Variants in VTI1A observed in about 807,000 individuals in gnomAD.
VTI1A encodes the protein vesicle transport through interaction with t-SNAREs homolog 1A.
A neutral mutation model predicts 34.9 loss-of-function variants in VTI1A; 22 were observed. The observed-to-expected ratio is 0.63, with a 90% CI of 0.45 to 0.90. The LOEUF (loss-of-function observed/expected upper bound fraction) is 0.90. VTI1A is among the 40% of genes least tolerant of loss of function. The probability of loss-of-function intolerance (pLI) is 0.00; values close to 1 mark genes in which losing one functional copy is unlikely to be tolerated. For synonymous variants in VTI1A, 87 were observed against 97.3 expected (o/e 0.89, Z 0.62); for missense variants, 268 against 275.6 (o/e 0.97, Z 0.20).
At chr10:112,666,882 T>C (rs888102589) in intron 5 of VTI1A, among the ~76,000 whole-genome samples, 2 of 152,130 alleles carry the variant, frequency 1.3e-5, no homozygotes, top group Non-Finnish European at 2.9e-5. Context: ...AATTACCTTA[T>C]TGAACTCTTA....
At chr10:112,558,640 T>C (rs1589902125) in intron 5 of VTI1A, among the ~76,000 whole-genome samples, 2 of 152,354 alleles carry the variant, frequency 1.3e-5, no homozygotes, top group South Asian at 2.1e-4. Context: ...AAAAGTTCAC[T>C]TGGTGCTGGG....
intron 5 of VTI1A, among the ~76,000 whole-genome samples, chr10:112,664,739 C>T (rs1694396104): frequency 6.6e-6 from 1 of 152,074 alleles, no homozygotes. Flanking sequence ...TTCTGGGTAA[C>T]TGTAAAAATG....
intron 5 of VTI1A, among the ~76,000 whole-genome samples, chr10:112,633,323 T>A (rs1418404567): frequency 6.6e-6 from 1 of 152,186 alleles, no homozygotes; most frequent in Non-Finnish European, 1.5e-5. Flanking sequence ...CCAGGCACTG[T>A]GCTAAAACCC....
intron 5 of VTI1A, among the ~76,000 whole-genome samples, chr10:112,594,624 A>G (rs1174085397): frequency 6.6e-6 from 1 of 152,094 alleles, no homozygotes; most frequent in Non-Finnish European, 1.5e-5. Context: ...GACCTCTTCA[A>G]GGAGAACTAC....
intron 7 of VTI1A, among the ~76,000 whole-genome samples, chr10:112,801,047 C>T (rs1194818325): frequency 1.5e-4 from 23 of 152,164 alleles, no homozygotes; most frequent in Admixed American, 1.4e-3. Flanking sequence ...GATGAGGGAC[C>T]TTCAGAAAAG....
intron 7 of VTI1A, among the ~76,000 whole-genome samples, chr10:112,730,279 A>G (rs1850201370): frequency 6.6e-6 from 1 of 152,214 alleles, no homozygotes; most frequent in African/African-American, 2.4e-5. Flanking sequence ...GGACTTGGCT[A>G]GAACCTGAGT....
intron 3 of VTI1A, among the ~76,000 whole-genome samples, chr10:112,478,220 T>C (rs1410859490): frequency 6.6e-6 from 1 of 152,152 alleles, no homozygotes; most frequent in Non-Finnish European, 1.5e-5. Context: ...AAAGAGAAAG[T>C]GAAATAGTCA....
intron 7 of VTI1A, among the ~76,000 whole-genome samples, chr10:112,703,600 G>A (rs540778616): frequency 6.6e-6 from 1 of 152,074 alleles, no homozygotes; most frequent in Admixed American, 6.6e-5. Context: ...GGAATATGAT[G>A]CATTATATAT....
chr10:112,518,328 G>A (rs550041681), intron 3 of VTI1A, among the ~76,000 whole-genome samples: 1 of 152,016 alleles, frequency 6.6e-6, no homozygotes, highest in Non-Finnish European at 1.5e-5. Context: ...TTCCAATAAT[G>A]GAACACTGGA....
At chr10:112,723,589 A>G (rs1186711811) in intron 7 of VTI1A, among the ~76,000 whole-genome samples, 4 of 152,122 alleles carry the variant, frequency 2.6e-5, no homozygotes, top group African/African-American at 4.8e-5. Context: ...GACAATCTCA[A>G]TTTCAGATGG....
At chr10:112,827,993 C>T in the VTI1A span, among the ~76,000 whole-genome samples, 6 of 152,186 alleles carry the variant, frequency 3.9e-5, no homozygotes, top group Non-Finnish European at 8.8e-5. Context: ...CATTCTCTCA[C>T]TGGTGAGCCT....
At position 112,796,400 on chromosome 10, in the gene VTI1A, C is replaced by T. The variant is rs908749271; in HGVS notation, c.561-18890C>T. 2.3e-4 allele frequency among the ~76,000 whole-genome samples: 17 copies of T among 74,522 alleles called. No homozygotes were observed. The South Asian group carries it at 7.0e-3, about 31-fold the overall frequency. 48.9% of individuals were successfully genotyped at this position (74,522 alleles called of 152,430 possible). ...TAGCCTGGGCCCCAGAGCAAGACTC[C>T]GTCAAAAAAAAAAAAAAAAAAGAAG... On this transcript the variant is annotated intron_variant, in intron 7 of 7. Coordinates refer to ENST00000393077, the MANE Select transcript of VTI1A (RefSeq NM_145206.4).
At chr10:112,497,111 A>G (rs996392992) in intron 3 of VTI1A, among the ~76,000 whole-genome samples, 7 of 152,130 alleles carry the variant, frequency 4.6e-5, no homozygotes, top group Non-Finnish European at 1.0e-4. Flanking sequence ...TGAGGCTAGG[A>G]GTTCAAGACC....
At chr10:112,581,615 A>G (rs1843941928) in intron 5 of VTI1A, among the ~76,000 whole-genome samples, 1 of 152,184 alleles carries the variant, frequency 6.6e-6, no homozygotes. Flanking sequence ...TATGATGATG[A>G]TGATTGATTA....
intron 5 of VTI1A, among the ~76,000 whole-genome samples, chr10:112,594,152 C>T (rs1844518544): frequency 6.6e-6 from 1 of 152,110 alleles, no homozygotes; most frequent in Non-Finnish European, 1.5e-5. Flanking sequence ...ACCTTGTGAT[C>T]CGCCTCGGCC....
intron 5 of VTI1A, among the ~76,000 whole-genome samples, chr10:112,633,518 A>T (rs964704049): frequency 2.0e-5 from 3 of 152,226 alleles, no homozygotes; most frequent in Non-Finnish European, 4.4e-5. Context: ...GAAAAGAGAT[A>T]GCAGGCAAAA....
chr10:112,536,549 C>T (rs73365049), intron 4 of VTI1A, among the ~76,000 whole-genome samples: 20,351 of 151,926 alleles, frequency 0.13, 1,605 homozygotes, highest in East Asian at 0.27. Context: ...TTTAATGATA[C>T]AAGAAGCTTT....
At chr10:112,847,121 G>A in the VTI1A span, among the ~76,000 whole-genome samples, 455 of 152,360 alleles carry the variant, frequency 3.0e-3, 3 homozygotes, top group African/African-American at 0.01. Flanking sequence ...AGGATCCAAA[G>A]AATTGAGAGA....
chr10:112,788,180 C>G (rs951950880), intron 7 of VTI1A, among the ~76,000 whole-genome samples: 1 of 151,928 alleles, frequency 6.6e-6, no homozygotes, highest in Non-Finnish European at 1.5e-5. Context: ...ATCTAGTCTA[C>G]TTAGTCTTCT....
Sources: gnomAD v4.1 joint callset for allele counts (sites outside exome capture counted in the v4.1 genomes callset) on GRCh38, gnomAD v4.1.1 for gene constraint, MANE v1.5 for transcripts, NCBI Gene and HGNC (gene_info 2026-07-23, HGNC 2026-07-21) for gene names.